Variants in TSNARE1 observed in about 807,000 individuals in gnomAD.
The protein encoded by TSNARE1 is t-SNARE domain-containing protein 1.
In TSNARE1, 49 loss-of-function variants were observed where a neutral mutation model predicts 62.0. The ratio of observed to expected loss-of-function variants is 0.79; its 90% CI spans 0.63 to 1.00. The LOEUF is 1.00. Ranked by LOEUF, TSNARE1 falls within the 50% of genes least tolerant of loss-of-function variation. The pLI is 0.00. For synonymous variants in TSNARE1, 328 were observed against 294.4 expected (o/e 1.11, Z -1.17); for missense variants, 755 against 700.1 (o/e 1.08, Z -0.88).
intron 1 of TSNARE1, among the ~76,000 whole-genome samples, chr8:142,376,914 G>A (rs1445346822): frequency 2.6e-5 from 4 of 152,244 alleles, no homozygotes; most frequent in African/African-American, 9.6e-5. Flanking sequence ...AGAGCAGGGA[G>A]AGCCACACAG....
chr8:142,356,207 C>T (rs996610463), intron 1 of TSNARE1, among the ~76,000 whole-genome samples: 2 of 152,196 alleles, frequency 1.3e-5, no homozygotes. Flanking sequence ...CTGCTGCTGG[C>T]GCAGGCCTTG....
intron 1 of TSNARE1, among the ~76,000 whole-genome samples, chr8:142,393,437 C>T (rs887391587): frequency 2.6e-5 from 4 of 152,238 alleles, no homozygotes; most frequent in East Asian, 3.8e-4. Context: ...TCGGCCAATC[C>T]GCTGGCTGTG....
intron 9 of TSNARE1, among the ~76,000 whole-genome samples, chr8:142,305,237 G>A (rs1826465072): frequency 6.6e-6 from 1 of 152,130 alleles, no homozygotes; most frequent in African/African-American, 2.4e-5. Context: ...GGAGCTGTGG[G>A]CAGAGGGTGC....
intron 1 of TSNARE1, among the ~76,000 whole-genome samples, chr8:142,378,222 A>T (rs888337171): frequency 6.6e-6 from 1 of 152,224 alleles, no homozygotes; most frequent in Non-Finnish European, 1.5e-5. Context: ...CAGCATCACA[A>T]GGGAGAAGGC....
intron 12 of TSNARE1, among the ~76,000 whole-genome samples, chr8:142,243,186 G>A (rs372228169): frequency 2.3e-4 from 35 of 152,156 alleles, no homozygotes; most frequent in African/African-American, 7.7e-4. Context: ...ATGGAAAACA[G>A]TACAGAGGTT....
At position 142,297,636 on chromosome 8, in the gene TSNARE1, C is replaced by T. The variant is rs1470204657; in HGVS notation, c.1290+2850G>A. ...AACACAGCTCCACAAAACCCTGCCG[C>T]CCACCCCCCGAGCCCTGCGCAGGCT... On this transcript the variant is annotated intron_variant, in intron 10 of 13. Coordinates refer to ENST00000524325, the MANE Select transcript of TSNARE1 (RefSeq NM_145003.5). 2.6e-5 allele frequency among the ~76,000 whole-genome samples: 4 copies of T among 152,318 alleles called. No individual in the cohort carries two copies. In the East Asian group the frequency reaches 7.7e-4, roughly 29 times the overall value.
At chr8:142,272,933 A>C (rs1301044747) in intron 12 of TSNARE1, 1 of 985,298 alleles carries the variant, frequency 1.0e-6, no homozygotes, top group Non-Finnish European at 1.2e-6. Flanking sequence ...TTCTATGCAG[A>C]GGCAACTTCA....
chr8:142,257,322 G>A (rs557041188), intron 12 of TSNARE1, among the ~76,000 whole-genome samples: 5 of 152,310 alleles, frequency 3.3e-5, no homozygotes, highest in Admixed American at 6.5e-5. Context: ...CTGCAGGGCC[G>A]GTGCTCAGGA....
intron 6 of TSNARE1, 108 bp downstream of exon 6, chr8:142,330,793 A>G: frequency 9.0e-7 from 1 of 1,115,644 alleles, no homozygotes; most frequent in Non-Finnish European, 1.3e-6. Context: ...GCTGTGCGCA[A>G]GCAGCTGTGT....
intron 1 of TSNARE1, among the ~76,000 whole-genome samples, chr8:142,381,367 G>C (rs541602753): frequency 6.6e-6 from 1 of 152,310 alleles, no homozygotes; most frequent in African/African-American, 2.4e-5. Context: ...CAGGTGTCCA[G>C]GGAAGTGAGC....
intron 11 of TSNARE1, among the ~76,000 whole-genome samples, chr8:142,281,740 G>T (rs1821511108): frequency 6.6e-6 from 1 of 152,062 alleles, no homozygotes; most frequent in Admixed American, 6.5e-5. Context: ...AAGGCGGGTG[G>T]GGGCGCTGGG....
rs776876463 is a variant in TSNARE1, at chr8:142,345,593, G to A, written c.238+150C>T. 1.5e-5 allele frequency: 14 copies of A among 935,048 alleles called. No individual in the cohort carries two copies. In the African/African-American group the frequency reaches 1.5e-4, roughly 10 times the overall value. The allele number at this position is 935,048 out of a possible 1,614,324, so 57.9% of individuals were successfully genotyped here. A position where few individuals can be genotyped will look rare whatever the true frequency, so the allele number is the denominator to read the frequency against. ...CACCCTTGACCCTACTCAGGGGAAG[G>A]CCTGGCAGGGGGCAGGGGATGCAGG... On this transcript the variant is annotated intron_variant, in intron 3 of 13. Coordinates refer to ENST00000524325, the MANE Select transcript of TSNARE1 (RefSeq NM_145003.5).
intron 11 of TSNARE1, among the ~76,000 whole-genome samples, chr8:142,282,690 C>A (rs1420694780): frequency 6.7e-6 from 1 of 149,060 alleles, no homozygotes; most frequent in Non-Finnish European, 1.5e-5. Context: ...TGTCAATGAG[C>A]AGAGGCGGGG....
chr8:142,357,374 A>G (rs1834827878), intron 1 of TSNARE1, among the ~76,000 whole-genome samples: 1 of 152,230 alleles, frequency 6.6e-6, no homozygotes, highest in Non-Finnish European at 1.5e-5. Flanking sequence ...CTCTGAGCAC[A>G]GGGCACTACT....
intron 12 of TSNARE1, among the ~76,000 whole-genome samples, chr8:142,268,524 T>A (rs1819258356): frequency 6.6e-6 from 1 of 152,210 alleles, no homozygotes; most frequent in African/African-American, 2.4e-5. Context: ...GACTGTGCAA[T>A]CCCAGCTCTG....
intron 1 of TSNARE1, among the ~76,000 whole-genome samples, chr8:142,367,594 C>CT (rs761225561): frequency 3.3e-5 from 5 of 152,168 alleles, no homozygotes; most frequent in Non-Finnish European, 5.9e-5. Flanking sequence ...TGGAGATATT[C>CT]TGGCATTTGA....
intron 12 of TSNARE1, chr8:142,274,482 G>A: frequency 2.0e-6 from 2 of 985,500 alleles, no homozygotes; most frequent in Non-Finnish European, 2.4e-6. Flanking sequence ...GGAGCGGGAA[G>A]GCCCCAAGGG....
rs1265049736 is a variant in TSNARE1, at chr8:142,331,850, G to T, written c.746-19C>A. 1 of 1,600,064 alleles carries T rather than the reference G, an allele frequency of 6.2e-7. No individual in the cohort carries two copies. The highest frequency in any genetic ancestry group is 1.1e-5 in the South Asian group (1 of 88,472). On this transcript the variant is annotated intron_variant, in intron 4 of 13. Transcript: ENST00000524325. ...TGGGTGGCTGGGAGAAGACAGGGAG[G>T]AGGAAAGAACACAGGCTAAGGGTGA...
At position 142,342,993 on chromosome 8, in the gene TSNARE1, G is replaced by A. The variant is rs372375171; in HGVS notation, c.745+973C>T. Among the ~76,000 whole-genome samples, 143 of 148,666 alleles carry A rather than the reference G, an allele frequency of 9.6e-4. 1 individual carries two copies. Among genetic ancestry groups the A allele is most frequent in the African/African-American group, 3.5e-3 (140 of 40,242 alleles). On this transcript the variant is annotated intron_variant, in intron 4 of 13. Coordinates refer to ENST00000524325, the MANE Select transcript of TSNARE1 (RefSeq NM_145003.5). ...CAAGAGCTCAGCATGCCATGCCTAC[G>A]CCCTGCACCTGTCCCAGCACCTGCC...
Sources: gnomAD v4.1 joint callset for allele counts (sites outside exome capture counted in the v4.1 genomes callset) on GRCh38, gnomAD v4.1.1 for gene constraint, MANE v1.5 for transcripts, NCBI Gene and HGNC (gene_info 2026-07-23, HGNC 2026-07-21) for gene names.